The following CADM1 variants were observed in gnomAD, a reference collection of about 807,000 sequenced individuals.
The protein encoded by CADM1 is TSLC-1.
CADM1 carries 15 observed loss-of-function variants against 53.1 expected under a neutral mutation model. The observed-to-expected ratio is 0.28, with a 90% CI of 0.19 to 0.44. The LOEUF (loss-of-function observed/expected upper bound fraction) is 0.44. Among genes scored for constraint, CADM1 ranks in the 20% least tolerant of loss-of-function variants. The pLI is 1.00. For missense variants in CADM1, 434 were observed against 611.3 expected, an observed-to-expected ratio of 0.71 and a Z score of 3.06; for synonymous variants, 281 against 243.0, an observed-to-expected ratio of 1.16 and a Z score of -1.45.
chr11:115,295,573 A>G (rs1944057019), intron 1 of CADM1, among the ~76,000 whole-genome samples: 1 of 144,190 alleles, frequency 6.9e-6, no homozygotes. Context: ...ATGCACATAT[A>G]TAATATACAC....
At chr11:115,354,620 G>A (rs1945817411) in intron 1 of CADM1, among the ~76,000 whole-genome samples, 1 of 152,142 alleles carries the variant, frequency 6.6e-6, no homozygotes, top group African/African-American at 2.4e-5. Context: ...GGGATTTACA[G>A]GTGGCCCAAT....
chr11:115,271,617 T>C (rs913660533), intron 1 of CADM1, among the ~76,000 whole-genome samples: 1 of 152,232 alleles, frequency 6.6e-6, no homozygotes, highest in Admixed American at 6.5e-5. Context: ...TAATACTCTA[T>C]ATTGCTATAT....
chr11:115,311,569 T>C (rs1451973516), intron 1 of CADM1, among the ~76,000 whole-genome samples: 1 of 152,068 alleles, frequency 6.6e-6, no homozygotes, highest in Non-Finnish European at 1.5e-5. Context: ...CAGGTATAAA[T>C]GGACCCACGC....
At chr11:115,457,338 A>G (rs969093168) in intron 1 of CADM1, among the ~76,000 whole-genome samples, 1 of 152,218 alleles carries the variant, frequency 6.6e-6, no homozygotes, top group African/African-American at 2.4e-5. Flanking sequence ...ACCATAATAT[A>G]CATAAAAAGA....
intron 1 of CADM1, among the ~76,000 whole-genome samples, chr11:115,497,294 T>G (rs1449047124): frequency 6.6e-6 from 1 of 152,226 alleles, no homozygotes; most frequent in Admixed American, 6.5e-5. Flanking sequence ...ATGCCTGTAT[T>G]CCAGTAAAAC....
At chr11:115,406,038 C>T (rs1217415264) in intron 1 of CADM1, among the ~76,000 whole-genome samples, 1 of 151,914 alleles carries the variant, frequency 6.6e-6, no homozygotes, top group Non-Finnish European at 1.5e-5. Flanking sequence ...AAAATGTAGG[C>T]CTTTACTCTT....
chr11:115,396,583 C>G (rs1947003542), intron 1 of CADM1, among the ~76,000 whole-genome samples: 1 of 152,168 alleles, frequency 6.6e-6, no homozygotes, highest in Non-Finnish European at 1.5e-5. Context: ...AACAGATATG[C>G]TGGAGATTAA....
At chr11:115,211,069 G>A (rs764554846) in intron 7 of CADM1, among the ~76,000 whole-genome samples, 1 of 152,158 alleles carries the variant, frequency 6.6e-6, no homozygotes, top group South Asian at 2.1e-4. Flanking sequence ...CCTCCAAGAG[G>A]TAAAAATGGT....
chr11:115,242,198 G>A (rs1264016349), intron 1 of CADM1, among the ~76,000 whole-genome samples: 2 of 152,068 alleles, frequency 1.3e-5, no homozygotes, highest in Admixed American at 1.3e-4. Flanking sequence ...CTAGGATCCA[G>A]GGAATTAACC....
chr11:115,250,813 C>A (rs1013589427), intron 1 of CADM1, among the ~76,000 whole-genome samples: 2 of 152,122 alleles, frequency 1.3e-5, no homozygotes, highest in African/African-American at 4.8e-5. Flanking sequence ...GACAAGGAAG[C>A]TAAGATTTAC....
chr11:115,404,832 A>T (rs1349486179), intron 1 of CADM1, among the ~76,000 whole-genome samples: 2 of 141,586 alleles, frequency 1.4e-5, no homozygotes, highest in Non-Finnish European at 3.0e-5. Context: ...ACAGAACAAG[A>T]CCCTGCCTCA....
At chr11:115,191,337 A>G (rs947760091) in intron 9 of CADM1, among the ~76,000 whole-genome samples, 5 of 152,234 alleles carry the variant, frequency 3.3e-5, no homozygotes, top group African/African-American at 1.2e-4. Flanking sequence ...ATTTTACTGT[A>G]AATTGAAATC....
At chr11:115,394,476 TG>T (rs1946939147) in intron 1 of CADM1, among the ~76,000 whole-genome samples, 2 of 150,610 alleles carry the variant, frequency 1.3e-5, no homozygotes, top group Non-Finnish European at 3.0e-5. Context: ...CCAAGATAAA[TG>T]AAAAAAAAAA....
chr11:115,214,647 CTA>C lies in CADM1; in HGVS notation c.953_954del (p.Ile318SerfsTer67). The C allele has an allele frequency of 6.2e-7, 1 of 1,614,058 alleles. No homozygotes were observed. Among genetic ancestry groups the C allele is most frequent in the Non-Finnish European group, 8.5e-7 (1 of 1,179,950 alleles). On this transcript the variant is annotated frameshift_variant, in exon 7 of 12. Coordinates refer to ENST00000331581, the MANE Select transcript of CADM1 (RefSeq NM_001301043.2). LOFTEE classifies it high-confidence loss of function. ...NGTYRCEASN[I>X]VGKAHSDYML... is the part of the protein sequence containing the mutation. Reference sequence around the variant, plus strand: ...ATATAATCCGAGTGAGCTTTCCCCACTATGTTTGAAGCTTCACAGCGGTATGT... The same window carrying C: ...ATATAATCCGAGTGAGCTTTCCCCACTGTTTGAAGCTTCACAGCGGTATGT...
At chr11:115,435,184 T>G (rs533995624) in intron 1 of CADM1, among the ~76,000 whole-genome samples, 1 of 152,006 alleles carries the variant, frequency 6.6e-6, no homozygotes, top group African/African-American at 2.4e-5. Context: ...TGTAAATGTT[T>G]CACTTTCTCA....
chr11:115,217,570 A>G (rs538433479), intron 6 of CADM1, among the ~76,000 whole-genome samples: 8 of 152,334 alleles, frequency 5.3e-5, no homozygotes, highest in African/African-American at 1.7e-4. Flanking sequence ...ATATATCATT[A>G]GATTGTAGGG....
chr11:115,408,391 A>G (rs1947370837), intron 1 of CADM1, among the ~76,000 whole-genome samples: 1 of 152,166 alleles, frequency 6.6e-6, no homozygotes, highest in African/African-American at 2.4e-5. Context: ...AAATCCCTGC[A>G]CAGTTCAAGA....
In CADM1 at chr11:115,174,647, TTAAA is replaced by T. The variant is rs10540049; in HGVS notation, c.*1823_*1826del. On this transcript the variant is annotated 3_prime_UTR_variant, in exon 12 of 12. Coordinates refer to ENST00000331581, the MANE Select transcript of CADM1 (RefSeq NM_001301043.2). ...ACAAAGAGTTGACACTTTTTCCCCC[TTAAA>T]TAAATCAGCATAAGTTTTCCACATA... The T allele has an allele frequency of 1.4e-3, 1,415 of 984,734 alleles. 16 individuals are homozygous for T. In the African/African-American group the frequency reaches 0.021, roughly 14 times the overall value. The allele number at this position is 984,734 out of a possible 1,614,324, so 61.0% of individuals were successfully genotyped here.
chr11:115,218,820 T>C (rs1941293710), intron 5 of CADM1, among the ~76,000 whole-genome samples: 1 of 152,212 alleles, frequency 6.6e-6, no homozygotes, highest in African/African-American at 2.4e-5. Context: ...TTCCACCAGC[T>C]ACTTAAAACT....
Sources: allele counts gnomAD v4.1 joint callset (sites outside exome capture counted in the v4.1 genomes callset), GRCh38; gene constraint gnomAD v4.1.1; transcripts MANE v1.5; gene names NCBI Gene and HGNC (gene_info 2026-07-23, HGNC 2026-07-21).